ABCA13: variants seen among roughly 807,000 people sequenced by gnomAD.
ABCA13 encodes the protein ATP-binding cassette sub-family A member 13.
In ABCA13, 476 loss-of-function variants were observed where a neutral mutation model predicts 478.7. The observed-to-expected ratio is 0.99, with a 90% CI of 0.92 to 1.07. The LOEUF (loss-of-function observed/expected upper bound fraction) is 1.07. Among genes scored for constraint, ABCA13 ranks in the 50% least tolerant of loss-of-function variants. The pLI is 0.00. For missense variants in ABCA13, 6,060 were observed against 5,910.6 expected, an observed-to-expected ratio of 1.03 and a Z score of -0.83; for synonymous variants, 2,252 against 2,158.9, an observed-to-expected ratio of 1.04 and a Z score of -1.20.
intron 41 of ABCA13, among the ~76,000 whole-genome samples, chr7:48,419,737 A>G (rs1183201816): frequency 6.6e-6 from 1 of 152,232 alleles, no homozygotes; most frequent in Non-Finnish European, 1.5e-5. Context: ...TGCTTTGCAC[A>G]TAATAGGTCT....
chr7:48,579,602 C>T (rs1156604404), intron 55 of ABCA13, among the ~76,000 whole-genome samples: 1 of 150,500 alleles, frequency 6.6e-6, no homozygotes. Flanking sequence ...CCACCTGATT[C>T]AGCAATACAT....
intron 55 of ABCA13, among the ~76,000 whole-genome samples, chr7:48,547,913 A>T (rs551082507): frequency 6.6e-6 from 1 of 151,972 alleles, no homozygotes; most frequent in East Asian, 1.9e-4. Flanking sequence ...TAAACTTACA[A>T]TAGGTTTATT....
chr7:48,614,475 A>G (rs1007571402), intron 58 of ABCA13, among the ~76,000 whole-genome samples: 1 of 151,274 alleles, frequency 6.6e-6, no homozygotes, highest in Non-Finnish European at 1.5e-5. Flanking sequence ...AAGTCAGTGT[A>G]GCGATTCTTC....
In ABCA13 at chr7:48,271,802, A is replaced by T; in HGVS notation, c.2136A>T (p.Thr712=). The change falls in exon 17 of 62, where the codon ACA becomes ACT. Residue 712 remains threonine, a synonymous_variant. Transcript: ENST00000435803. ...TASISRALNF[T]KHLLMMEKKL... is the part of the protein sequence containing the mutation. ...AATATTACAGGGCTTTAAATTTCAC[A>T]AAGCACCTTCTAATGATGGAAAAGA... 6.6e-7 allele frequency: 1 copy of T among 1,505,210 alleles called. No homozygotes were observed. The highest frequency in any genetic ancestry group is 8.9e-7 in the Non-Finnish European group (1 of 1,126,828). The allele number at this position is 1,505,210 out of a possible 1,614,324, so 93.2% of individuals were successfully genotyped here. A position where few individuals can be genotyped will look rare whatever the true frequency, so the allele number is the denominator to read the frequency against.
chr7:48,395,363 A>G lies in ABCA13; in HGVS notation c.11873+3224A>G, dbSNP rs558103243. Among the ~76,000 whole-genome samples, 41 of 152,302 alleles carry G rather than the reference A, an allele frequency of 2.7e-4. 1 individual carries two copies. Among genetic ancestry groups the G allele is most frequent in the African/African-American group, 8.9e-4 (37 of 41,562 alleles). On this transcript the variant is annotated intron_variant, in intron 38 of 61. Transcript: ENST00000435803. ...GAGGAGGAAAGGGAGATGCAGACCC[A>G]ATGGGGAATAAGAGAGGAGGGGGCG...
intron 55 of ABCA13, among the ~76,000 whole-genome samples, chr7:48,561,290 A>G (rs1786432034): frequency 6.6e-6 from 1 of 152,046 alleles, no homozygotes; most frequent in Admixed American, 6.6e-5. Context: ...AAATAATATT[A>G]TATTTTTAGT....
chr7:48,458,859 C>T (rs986051882), intron 43 of ABCA13, among the ~76,000 whole-genome samples: 6 of 152,056 alleles, frequency 3.9e-5, no homozygotes, highest in East Asian at 3.9e-4. Flanking sequence ...AGGGAGTGAA[C>T]GCATGACATC....
chr7:48,476,349 C>T (rs1207228696), intron 45 of ABCA13, among the ~76,000 whole-genome samples: 6 of 152,268 alleles, frequency 3.9e-5, no homozygotes, highest in East Asian at 3.9e-4. Flanking sequence ...CCTGGCTGCT[C>T]GCTGCTTGTA....
intron 55 of ABCA13, among the ~76,000 whole-genome samples, chr7:48,537,564 T>C (rs1833669833): frequency 6.6e-6 from 1 of 152,192 alleles, no homozygotes; most frequent in South Asian, 2.1e-4. Flanking sequence ...CATTCCCCTA[T>C]TGATTAGGGT....
intron 27 of ABCA13, among the ~76,000 whole-genome samples, chr7:48,329,637 GCATC>G (rs1317619608): frequency 1.5e-5 from 2 of 137,578 alleles, no homozygotes; most frequent in Non-Finnish European, 3.2e-5. Flanking sequence ...ATCCATCCAT[GCATC>G]CATCCATCTA....
intron 55 of ABCA13, among the ~76,000 whole-genome samples, chr7:48,566,238 T>C (rs989448075): frequency 1.3e-5 from 2 of 152,040 alleles, no homozygotes; most frequent in African/African-American, 4.8e-5. Context: ...TGATCTGTTA[T>C]GTCATTAAAT....
intron 41 of ABCA13, among the ~76,000 whole-genome samples, chr7:48,414,107 C>T (rs777655441): frequency 5.3e-5 from 8 of 152,196 alleles, no homozygotes; most frequent in Admixed American, 5.2e-4. Flanking sequence ...CTAATAAACA[C>T]ACATGATGAA....
rs577547627 is a variant in ABCA13 at position 48,446,251 on chromosome 7, G to T, written c.12566-8786G>T. ...AAGTTCCTTGATTTAGATGGTCTGT[G>T]GCCACTACTATGAGAAACATCCTGT... On this transcript the variant is annotated intron_variant, in intron 42 of 61. Transcript: ENST00000435803. 9.2e-5 allele frequency among the ~76,000 whole-genome samples: 14 copies of T among 152,058 alleles called. No individual in the cohort carries two copies. In the South Asian group the frequency reaches 2.9e-3, roughly 32 times the overall value.
chr7:48,240,347 C>T (rs1310442017), intron 9 of ABCA13, among the ~76,000 whole-genome samples: 1 of 152,158 alleles, frequency 6.6e-6, no homozygotes, highest in Non-Finnish European at 1.5e-5. Flanking sequence ...AGCACACATA[C>T]ATGTACATCG....
At chr7:48,250,138 T>C (rs1401850359) in intron 15 of ABCA13, among the ~76,000 whole-genome samples, 1 of 152,134 alleles carries the variant, frequency 6.6e-6, no homozygotes, top group Non-Finnish European at 1.5e-5. Flanking sequence ...GCAGATATAA[T>C]TTAGGAACAG....
At chr7:48,341,833 GATATATATATATATATCTTTCTGAT>G (rs1311651500) in intron 29 of ABCA13, among the ~76,000 whole-genome samples, 114 of 71,284 alleles carry the variant, frequency 1.6e-3, no homozygotes, top group African/African-American at 4.1e-3. Context: ...ATATCTTTCT[GATATATATATATATATCTTTCTGAT>G]ATATATATAT....
chr7:48,550,857 A>G (rs1211747303), intron 55 of ABCA13, among the ~76,000 whole-genome samples: 1 of 151,488 alleles, frequency 6.6e-6, no homozygotes, highest in Non-Finnish European at 1.5e-5. Context: ...TCCCAGGCAG[A>G]TACTGTTTTT....
chr7:48,476,829 C>G (rs1585501143), intron 45 of ABCA13, among the ~76,000 whole-genome samples: 1 of 151,968 alleles, frequency 6.6e-6, no homozygotes, highest in Non-Finnish European at 1.5e-5. Flanking sequence ...ATGCATAAGG[C>G]ATGGGGGCAT....
intron 42 of ABCA13, among the ~76,000 whole-genome samples, chr7:48,446,404 AAG>A (rs1491079917): frequency 1.3e-5 from 2 of 151,602 alleles, no homozygotes; most frequent in African/African-American, 2.4e-5. Flanking sequence ...AAAAAAAAAA[AAG>A]AAACCTTATT....
Sources: allele counts gnomAD v4.1 joint callset (sites outside exome capture counted in the v4.1 genomes callset), GRCh38; gene constraint gnomAD v4.1.1; transcripts MANE v1.5; gene names NCBI Gene and HGNC (gene_info 2026-07-23, HGNC 2026-07-21).